RBFOX3: variants seen among roughly 807,000 people sequenced by gnomAD.
The protein encoded by RBFOX3 is RNA binding protein fox-1 homolog 3.
In RBFOX3, 17 loss-of-function variants were observed where a neutral mutation model predicts 48.7. The ratio of observed to expected loss-of-function variants is 0.35; its 90% CI spans 0.24 to 0.52. The LOEUF (loss-of-function observed/expected upper bound fraction) is 0.52. Ranked by LOEUF, RBFOX3 falls within the 20% of genes least tolerant of loss-of-function variation. The pLI is 0.94. For synonymous variants in RBFOX3, 212 were observed against 209.5 expected, an observed-to-expected ratio of 1.01 and a Z score of -0.10; for missense variants, 382 against 497.5, an observed-to-expected ratio of 0.77 and a Z score of 2.21.
intron 4 of RBFOX3, among the ~76,000 whole-genome samples, chr17:79,169,950 AAAG>A (rs2048811035): frequency 6.6e-6 from 1 of 151,974 alleles, no homozygotes; most frequent in Non-Finnish European, 1.5e-5. Flanking sequence ...GAAAGAAGGA[AAAG>A]AAGGAAGGAG....
At chr17:79,143,593 A>C (rs1292263434) in intron 4 of RBFOX3, among the ~76,000 whole-genome samples, 2 of 152,136 alleles carry the variant, frequency 1.3e-5, no homozygotes, top group Non-Finnish European at 2.9e-5. Context: ...GGTTCTCCCC[A>C]CCAGGGACAC....
At chr17:79,544,823 C>T (rs1030415698) in intron 1 of RBFOX3, among the ~76,000 whole-genome samples, 2 of 151,880 alleles carry the variant, frequency 1.3e-5, no homozygotes, top group Non-Finnish European at 2.9e-5. Flanking sequence ...GGGGGAGTAA[C>T]ATCTGCTGTC....
intron 2 of RBFOX3, among the ~76,000 whole-genome samples, chr17:79,452,092 T>C (rs560666329): frequency 8.4e-4 from 127 of 151,966 alleles, no homozygotes; most frequent in African/African-American, 2.9e-3. Flanking sequence ...TTCTGAATGG[T>C]TGAAATTAAG....
chr17:79,507,813 C>G (rs2083394492), intron 1 of RBFOX3, among the ~76,000 whole-genome samples: 1 of 152,212 alleles, frequency 6.6e-6, no homozygotes, highest in South Asian at 2.1e-4. Flanking sequence ...CCAAGGCACG[C>G]ACCAATGAGG....
At chr17:79,516,784 C>T (rs1191451255) in intron 1 of RBFOX3, among the ~76,000 whole-genome samples, 2 of 152,216 alleles carry the variant, frequency 1.3e-5, no homozygotes, top group Non-Finnish European at 1.5e-5. Flanking sequence ...GGACGCGATG[C>T]GCTGGAACGA....
chr17:79,340,298 C>CAA (rs57048189), intron 2 of RBFOX3, among the ~76,000 whole-genome samples: 80 of 117,658 alleles, frequency 6.8e-4, no homozygotes, highest in South Asian at 1.6e-3. Flanking sequence ...GACTCCATCT[C>CAA]AAAAAAAAAA....
rs951638323 is a variant in RBFOX3 at position 79,571,857 on chromosome 17, G to A, written c.-320+38969C>T. The stretch of plus-strand genomic sequence containing the variant: ...AGGCAACAGGAAGGCCTGTGGTGGC[G>A]ACAATAGAATGGGCAGAAGACTGTG... On this transcript the variant is annotated intron_variant, in intron 1 of 14. Transcript: ENST00000693108. 5.2e-3 allele frequency among the ~76,000 whole-genome samples: 788 copies of A among 152,204 alleles called. 12 individuals are homozygous for A. Among genetic ancestry groups the A allele is most frequent in the African/African-American group, 0.018 (762 of 41,518 alleles).
intron 4 of RBFOX3, among the ~76,000 whole-genome samples, chr17:79,209,339 G>C (rs564504089): frequency 3.9e-5 from 6 of 152,214 alleles, no homozygotes; most frequent in African/African-American, 1.2e-4. Context: ...GCACAGCTCC[G>C]GGACCTCCCA....
chr17:79,343,827 G>A (rs1421056195), intron 2 of RBFOX3, among the ~76,000 whole-genome samples: 3 of 152,182 alleles, frequency 2.0e-5, no homozygotes, highest in African/African-American at 7.2e-5. Flanking sequence ...AGAGGTGGAA[G>A]AACAGCCCAA....
At chr17:79,227,511 T>G (rs577134524) in intron 4 of RBFOX3, among the ~76,000 whole-genome samples, 61 of 152,324 alleles carry the variant, frequency 4.0e-4, no homozygotes, top group Admixed American at 3.9e-3. Context: ...GCACAGGAGA[T>G]GAGCAGGTCT....
At chr17:79,410,294 T>G (rs763854049) in intron 2 of RBFOX3, among the ~76,000 whole-genome samples, 1 of 152,242 alleles carries the variant, frequency 6.6e-6, no homozygotes, top group Non-Finnish European at 1.5e-5. Context: ...CAGTGGCATC[T>G]ACCCTGCTGC....
At chr17:79,426,665 C>T (rs1015918613) in intron 2 of RBFOX3, among the ~76,000 whole-genome samples, 10 of 152,194 alleles carry the variant, frequency 6.6e-5, no homozygotes, top group Admixed American at 3.3e-4. Flanking sequence ...GGGGACAGCA[C>T]GGCTCTATTT....
In RBFOX3 at chr17:79,254,406, A is replaced by C. The variant is rs2064446814; in HGVS notation, c.-73-18601T>G. ...CCACATACCCCCAAACCTGCCCCCC[A>C]ATCCAGGACACATGGCACCAGGGCC... On this transcript the variant is annotated intron_variant, in intron 3 of 14. Coordinates refer to ENST00000693108, the MANE Select transcript of RBFOX3 (RefSeq NM_001350451.2). This position sits in a 1 kb window ranked among gnomAD's most constrained non-coding sequence, Gnocchi z 4.8. Among the ~76,000 whole-genome samples, 1 of 149,420 alleles carries C rather than the reference A, an allele frequency of 6.7e-6. No individual in the cohort carries two copies. The highest frequency in any genetic ancestry group is 2.5e-5 in the African/African-American group (1 of 40,590).
At chr17:79,487,697 G>A (rs997182465) in intron 1 of RBFOX3, among the ~76,000 whole-genome samples, 1 of 152,028 alleles carries the variant, frequency 6.6e-6, no homozygotes, top group African/African-American at 2.4e-5. Context: ...GGATCACGAG[G>A]TCAGGAGTTT....
chr17:79,597,030 G>T (rs953566483), intron 1 of RBFOX3, among the ~76,000 whole-genome samples: 175 of 152,256 alleles, frequency 1.1e-3, no homozygotes, highest in African/African-American at 3.8e-3. Context: ...AAATGCTGGG[G>T]TCACCCCTGG....
chr17:79,105,397 G>A (rs2077181821), intron 6 of RBFOX3, among the ~76,000 whole-genome samples: 1 of 152,188 alleles, frequency 6.6e-6, no homozygotes, highest in Non-Finnish European at 1.5e-5. Flanking sequence ...ATGTAAACAG[G>A]TCCCCTGCAG....
intron 4 of RBFOX3, among the ~76,000 whole-genome samples, chr17:79,165,489 G>A (rs1417140458): frequency 6.6e-6 from 1 of 152,178 alleles, no homozygotes; most frequent in Non-Finnish European, 1.5e-5. Flanking sequence ...TGGGGGACAG[G>A]TGGCGGGGGC....
chr17:79,556,602 G>A (rs951802157), intron 1 of RBFOX3, among the ~76,000 whole-genome samples: 1 of 152,202 alleles, frequency 6.6e-6, no homozygotes, highest in Non-Finnish European at 1.5e-5. Flanking sequence ...TAGGGCTGAT[G>A]TGAAATTAAC....
At chr17:79,369,140 G>A (rs909430021) in intron 2 of RBFOX3, among the ~76,000 whole-genome samples, 7 of 152,132 alleles carry the variant, frequency 4.6e-5, no homozygotes, top group East Asian at 1.9e-4. Context: ...GTGGGCATCC[G>A]GTGGCACTGT....
Sources: allele counts gnomAD v4.1 joint callset (sites outside exome capture counted in the v4.1 genomes callset), GRCh38; gene constraint gnomAD v4.1.1; non-coding constraint Gnocchi (gnomAD v3.1); transcripts MANE v1.5; gene names NCBI Gene and HGNC (gene_info 2026-07-23, HGNC 2026-07-21).